SAMD4A: variants seen among roughly 807,000 people sequenced by gnomAD.
The protein encoded by SAMD4A is sterile alpha motif domain containing 4A, also known as protein Smaug homolog 1.
A neutral mutation model predicts 81.3 loss-of-function variants in SAMD4A; 33 were observed. The observed-to-expected ratio is 0.41, with a 90% CI of 0.31 to 0.54. The LOEUF (loss-of-function observed/expected upper bound fraction) is 0.54, where lower values mean the gene tolerates loss of function less well. Ranked by LOEUF, SAMD4A falls within the 20% of genes least tolerant of loss-of-function variation. The probability of loss-of-function intolerance (pLI) is 0.37; values close to 1 mark genes in which losing one functional copy is unlikely to be tolerated. For missense variants in SAMD4A, 854 were observed against 951.1 expected, an observed-to-expected ratio of 0.90 and a Z score of 1.34; for synonymous variants, 389 against 382.1, an observed-to-expected ratio of 1.02 and a Z score of -0.21.
At chr14:54,570,280 A>G (rs925011612) in intron 2 of SAMD4A, among the ~76,000 whole-genome samples, 1 of 152,162 alleles carries the variant, frequency 6.6e-6, no homozygotes, top group African/African-American at 2.4e-5. Flanking sequence ...GTCATAGCAT[A>G]CCTGAGTCTG....
At chr14:54,783,873 G>T (rs2039066329) in intron 11 of SAMD4A, among the ~76,000 whole-genome samples, 2 of 152,238 alleles carry the variant, frequency 1.3e-5, no homozygotes, top group Admixed American at 6.5e-5. Flanking sequence ...TCTAGGCACA[G>T]GGGGCAGAGC....
chr14:54,776,392 C>G (rs1255920713), intron 10 of SAMD4A, 22 bp from the exon 11 acceptor site: 1 of 1,584,426 alleles, frequency 6.3e-7, no homozygotes, highest in Non-Finnish European at 8.6e-7. Context: ...CTAACAAGTT[C>G]CCCTTTTGCT....
intron 2 of SAMD4A, among the ~76,000 whole-genome samples, chr14:54,616,226 T>C (rs968004705): frequency 6.6e-6 from 1 of 152,372 alleles, no homozygotes; most frequent in African/African-American, 2.4e-5. Context: ...TTGTTCTCTT[T>C]AAAACTATTC....
At chr14:54,788,290 C>G (rs2039191028) in intron 12 of SAMD4A, among the ~76,000 whole-genome samples, 1 of 152,182 alleles carries the variant, frequency 6.6e-6, no homozygotes, top group African/African-American at 2.4e-5. Flanking sequence ...GAAGGAGAGG[C>G]TGCCAAAGAA....
intron 2 of SAMD4A, among the ~76,000 whole-genome samples, chr14:54,642,191 C>G (rs141151917): frequency 6.6e-6 from 1 of 152,178 alleles, no homozygotes; most frequent in Admixed American, 6.5e-5. Context: ...AGCATGATGG[C>G]TTGAACTGAT....
intron 2 of SAMD4A, among the ~76,000 whole-genome samples, chr14:54,620,867 C>T (rs754108109): frequency 3.9e-5 from 6 of 152,206 alleles, no homozygotes; most frequent in Non-Finnish European, 7.3e-5. Flanking sequence ...TCAAGCCATC[C>T]TCCTGCCTCA....
At chr14:54,628,539 A>G (rs1249387892) in intron 2 of SAMD4A, among the ~76,000 whole-genome samples, 1 of 152,176 alleles carries the variant, frequency 6.6e-6, no homozygotes, top group African/African-American at 2.4e-5. Flanking sequence ...ATAAAAATAA[A>G]GCATGCTCTG....
intron 3 of SAMD4A, among the ~76,000 whole-genome samples, chr14:54,726,427 A>G (rs2037417250): frequency 1.3e-5 from 2 of 152,232 alleles, no homozygotes; most frequent in African/African-American, 4.8e-5. Context: ...AGAATTTTGC[A>G]TGGGAATCCA....
At position 54,684,621 on chromosome 14, in the gene SAMD4A, C is replaced by A. The variant is rs1412599082; in HGVS notation, c.197-17441C>A. Reference sequence around the variant, plus strand: ...TTGGCCAGACACCCCCGCCCCCCCCCCCAACCAGAAACGGGAAACCTATGG... The same window carrying A: ...TTGGCCAGACACCCCCGCCCCCCCCACCAACCAGAAACGGGAAACCTATGG... On this transcript the variant is annotated intron_variant, in intron 2 of 12. Transcript: ENST00000554335. 4.8e-5 allele frequency among the ~76,000 whole-genome samples: 5 copies of A among 105,098 alleles called. No homozygotes were observed. The South Asian group carries it at 1.1e-3, about 24-fold the overall frequency. The allele number at this position is 105,098 out of a possible 152,430, so 68.9% of individuals were successfully genotyped here.
At chr14:54,756,328 C>T (rs1363026165) in intron 6 of SAMD4A, among the ~76,000 whole-genome samples, 1 of 152,136 alleles carries the variant, frequency 6.6e-6, no homozygotes, top group Non-Finnish European at 1.5e-5. Context: ...AGCTCTTCAG[C>T]TTCATCTCTG....
At chr14:54,638,310 C>T (rs182828988) in intron 2 of SAMD4A, among the ~76,000 whole-genome samples, 3 of 152,264 alleles carry the variant, frequency 2.0e-5, no homozygotes, top group South Asian at 2.1e-4. Context: ...TTCCCATAAA[C>T]GTTGCGCATG....
chr14:54,625,190 A>G (rs2034715500), intron 2 of SAMD4A, among the ~76,000 whole-genome samples: 1 of 152,178 alleles, frequency 6.6e-6, no homozygotes, highest in Non-Finnish European at 1.5e-5. Flanking sequence ...AAAACTGCCA[A>G]TGATAGTATT....
At chr14:54,648,297 G>A (rs1322274173) in intron 2 of SAMD4A, among the ~76,000 whole-genome samples, 2 of 152,338 alleles carry the variant, frequency 1.3e-5, no homozygotes, top group East Asian at 3.9e-4. Context: ...GGCAGGAGGA[G>A]GAAAGGGCAG....
At chr14:54,787,343 GA>G (rs770655779) in intron 12 of SAMD4A, among the ~76,000 whole-genome samples, 2 of 152,178 alleles carry the variant, frequency 1.3e-5, no homozygotes. Flanking sequence ...AACAGCATGT[GA>G]ACCTACAGTT....
At chr14:54,702,748 T>G in intron 3 of SAMD4A, 168 bp downstream of exon 3, 1 of 778,370 alleles carries the variant, frequency 1.3e-6, no homozygotes, top group Non-Finnish European at 2.0e-6. Flanking sequence ...TGTTGCTCTT[T>G]GACTCTGCAA....
rs748356767 is a variant in SAMD4A at position 54,702,053 on chromosome 14, C to T, written c.197-9C>T. The T allele has an allele frequency of 1.9e-6, 3 of 1,612,802 alleles. No individual in the cohort carries two copies. The highest frequency in any genetic ancestry group is 2.7e-5 in the African/African-American group (2 of 74,968). ...TTTGCTTATTTGCCGTGTATATTTC[C>T]CTTTTCAGGAATCATTAACCAATGG... On this transcript the variant is annotated splice_polypyrimidine_tract_variant and intron_variant, in intron 2 of 12. Transcript: ENST00000554335.
chr14:54,772,634 A>G (rs1051344044), intron 9 of SAMD4A, among the ~76,000 whole-genome samples: 2 of 152,244 alleles, frequency 1.3e-5, no homozygotes, highest in African/African-American at 4.8e-5. Context: ...AAATCATTTT[A>G]GCATCACTCA....
intron 3 of SAMD4A, among the ~76,000 whole-genome samples, chr14:54,725,894 G>A (rs773527218): frequency 2.0e-5 from 3 of 152,136 alleles, no homozygotes; most frequent in Non-Finnish European, 4.4e-5. Context: ...CTACCCCAAC[G>A]TCAACAGAAC....
chr14:54,739,055 C>CTTTT (rs3051648), intron 4 of SAMD4A, among the ~76,000 whole-genome samples: 1,379 of 97,330 alleles, frequency 0.014, 106 homozygotes, highest in African/African-American at 0.062. Context: ...CTTTCCTTTT[C>CTTTT]TTTTTTTTTT....
Sources: allele counts gnomAD v4.1 joint callset (sites outside exome capture counted in the v4.1 genomes callset), GRCh38; gene constraint gnomAD v4.1.1; transcripts MANE v1.5; gene names NCBI Gene and HGNC (gene_info 2026-07-23, HGNC 2026-07-21).